GLIS3: variants seen among roughly 807,000 people sequenced by gnomAD.
GLIS3 encodes GLIS family zinc finger 3, also known as zinc finger protein GLIS3.
Under a neutral mutation model 78.6 loss-of-function variants are expected in GLIS3, and 53 were observed. That is an observed-to-expected ratio of 0.67 (90% confidence interval 0.54 to 0.85). GLIS3 has a LOEUF of 0.85. GLIS3 is among the 40% of genes least tolerant of loss of function. The pLI, the probability that GLIS3 is intolerant of heterozygous loss-of-function variation, is 0.00. For missense variants in GLIS3, 1,703 were observed against 1,231.1 expected (o/e 1.38, Z -5.74); for synonymous variants, 684 against 509.9 (o/e 1.34, Z -4.60).
At chr9:4,258,754 T>C (rs958318699) in intron 2 of GLIS3, among the ~76,000 whole-genome samples, 1 of 152,300 alleles carries the variant, frequency 6.6e-6, no homozygotes, top group Admixed American at 6.5e-5. Flanking sequence ...AATTGCTAGC[T>C]ACATGGGTCA....
intron 9 of GLIS3, among the ~76,000 whole-genome samples, chr9:3,851,683 ATCT>A (rs1319631525): frequency 2.0e-4 from 18 of 91,626 alleles, no homozygotes; most frequent in East Asian, 1.2e-3. Context: ...GATGGATCTC[ATCT>A]TCTTCATTTG....
At chr9:4,052,967 TGAAA>T (rs1317747461) in intron 4 of GLIS3, among the ~76,000 whole-genome samples, 4 of 152,178 alleles carry the variant, frequency 2.6e-5, no homozygotes, top group Non-Finnish European at 5.9e-5. Context: ...TTTATTTTTT[TGAAA>T]GAGTCTCGCT....
chr9:4,484,823 T>C, the GLIS3 span, among the ~76,000 whole-genome samples: 5 of 152,214 alleles, frequency 3.3e-5, no homozygotes, highest in South Asian at 4.1e-4. Flanking sequence ...GGAATCGTCT[T>C]TGTAGAACCA....
intron 8 of GLIS3, among the ~76,000 whole-genome samples, chr9:3,873,023 C>T (rs1367413844): frequency 6.6e-6 from 1 of 151,928 alleles, no homozygotes; most frequent in African/African-American, 2.4e-5. Context: ...GACAATCTAC[C>T]AAGACTGAAT....
chr9:4,243,532 G>C (rs1203590217), intron 2 of GLIS3, among the ~76,000 whole-genome samples: 1 of 152,176 alleles, frequency 6.6e-6, no homozygotes, highest in Non-Finnish European at 1.5e-5. Context: ...CTACTTAGTA[G>C]ATTTAGAATA....
At chr9:4,365,696 C>T in the GLIS3 span, among the ~76,000 whole-genome samples, 1 of 152,226 alleles carries the variant, frequency 6.6e-6, no homozygotes, top group Non-Finnish European at 1.5e-5. Flanking sequence ...AACTGGATGA[C>T]TACTTGCTTG....
intron 7 of GLIS3, among the ~76,000 whole-genome samples, chr9:3,888,616 T>G (rs1379522123): frequency 6.6e-6 from 1 of 152,220 alleles, no homozygotes. Context: ...TCGATTATCA[T>G]GAGCCCTGGG....
chr9:3,930,477 T>C (rs2130770991), intron 6 of GLIS3, among the ~76,000 whole-genome samples: 1 of 152,348 alleles, frequency 6.6e-6, no homozygotes, highest in East Asian at 1.9e-4. Flanking sequence ...GGTTTTCTTT[T>C]TTCAGTTAGT....
At chr9:4,407,024 C>G in the GLIS3 span, among the ~76,000 whole-genome samples, 2 of 152,314 alleles carry the variant, frequency 1.3e-5, no homozygotes, top group Admixed American at 1.3e-4. Flanking sequence ...GGAAGAATCA[C>G]ATTACCTGAC....
At chr9:4,414,612 C>T in the GLIS3 span, among the ~76,000 whole-genome samples, 1 of 152,140 alleles carries the variant, frequency 6.6e-6, no homozygotes, top group Non-Finnish European at 1.5e-5. Flanking sequence ...CTAGACTTTT[C>T]AGAACTTTTT....
intron 4 of GLIS3, among the ~76,000 whole-genome samples, chr9:3,990,502 C>T (rs1820140051): frequency 6.6e-6 from 1 of 152,210 alleles, no homozygotes; most frequent in African/African-American, 2.4e-5. Context: ...GCATCCCTAA[C>T]CTTTCTGGCA....
upstream of GLIS3, among the ~76,000 whole-genome samples, chr9:4,353,022 G>C (rs1223103051): frequency 6.6e-6 from 1 of 152,106 alleles, no homozygotes; most frequent in Non-Finnish European, 1.5e-5. Flanking sequence ...GTTTGGTTAG[G>C]AGATCAGTCA....
At chr9:4,357,893 ATTGT>A in the GLIS3 span, among the ~76,000 whole-genome samples, 16 of 152,214 alleles carry the variant, frequency 1.1e-4, no homozygotes, top group Non-Finnish European at 1.5e-4. Context: ...TTGCTGTTAA[ATTGT>A]TTGAAATGGC....
At chr9:3,839,545 A>T (rs1818589010) in intron 9 of GLIS3, among the ~76,000 whole-genome samples, 1 of 152,112 alleles carries the variant, frequency 6.6e-6, no homozygotes, top group Non-Finnish European at 1.5e-5. Context: ...TCATTAAAAC[A>T]ACTTTTTGGT....
chr9:4,064,985 C>A (rs777453178), intron 4 of GLIS3, among the ~76,000 whole-genome samples: 16 of 152,104 alleles, frequency 1.1e-4, no homozygotes, highest in Admixed American at 3.3e-4. Flanking sequence ...GGCAAACAGG[C>A]TTGAAAATTA....
intron 4 of GLIS3, among the ~76,000 whole-genome samples, chr9:3,969,024 A>C: frequency 6.6e-6 from 1 of 152,260 alleles, no homozygotes; most frequent in East Asian, 1.9e-4. Flanking sequence ...TGTGTCACAG[A>C]AGCAATTGTC....
At chr9:4,284,909 ACC>A (rs1827856809) in intron 2 of GLIS3, among the ~76,000 whole-genome samples, 1 of 152,104 alleles carries the variant, frequency 6.6e-6, no homozygotes, top group Non-Finnish European at 1.5e-5. Flanking sequence ...ACAAAGTGAT[ACC>A]CCGTCTCAAA....
intron 9 of GLIS3, among the ~76,000 whole-genome samples, chr9:3,830,965 A>T (rs1293799903): frequency 6.6e-6 from 1 of 152,158 alleles, no homozygotes; most frequent in Non-Finnish European, 1.5e-5. Flanking sequence ...GGCCTATTCT[A>T]TGGTTGTTAT....
At chr9:3,850,352 T>C (rs1819352090) in intron 9 of GLIS3, among the ~76,000 whole-genome samples, 1 of 152,214 alleles carries the variant, frequency 6.6e-6, no homozygotes, top group Non-Finnish European at 1.5e-5. Context: ...GTTATTAAAA[T>C]AGAGCTGAAA....
Sources: gnomAD v4.1 joint callset for allele counts (sites outside exome capture counted in the v4.1 genomes callset) on GRCh38, gnomAD v4.1.1 for gene constraint, MANE v1.5 for transcripts, NCBI Gene and HGNC (gene_info 2026-07-23, HGNC 2026-07-21) for gene names.